XRCC4: variants seen among roughly 807,000 people sequenced by gnomAD.
XRCC4 encodes X-ray repair cross complementing 4.
Under a neutral mutation model 39.1 loss-of-function variants are expected in XRCC4, and 28 were observed. That is an observed-to-expected ratio of 0.72 (90% CI 0.53 to 0.98). XRCC4 has a LOEUF of 0.98. XRCC4 is among the 50% of genes least tolerant of loss of function. The probability of loss-of-function intolerance (pLI) is 0.00; values close to 1 mark genes in which losing one functional copy is unlikely to be tolerated. For synonymous variants in XRCC4, 123 were observed against 126.4 expected, an observed-to-expected ratio of 0.97 and a Z score of 0.18; for missense variants, 350 against 376.4, an observed-to-expected ratio of 0.93 and a Z score of 0.58.
intron 7 of XRCC4, among the ~76,000 whole-genome samples, chr5:83,300,867 A>G (rs1163217951): frequency 2.0e-5 from 3 of 151,936 alleles, no homozygotes; most frequent in Admixed American, 6.6e-5. Flanking sequence ...GCTGAGAATG[A>G]TGGTTTCCAG....
rs538641053 is a variant in XRCC4 at position 83,248,949 on chromosome 5, A to T, written c.746-9581A>T. On this transcript the variant is annotated intron_variant, in intron 6 of 7. Coordinates refer to ENST00000396027, the MANE Select transcript of XRCC4 (RefSeq NM_003401.5). ...GAAAATTCTTAAGTAAAACTTTCTA[A>T]TTTGGGCAATACTTTTTGACCCAAT... 6.0e-4 allele frequency among the ~76,000 whole-genome samples: 91 copies of T among 152,282 alleles called. No individual in the cohort carries two copies. The South Asian group carries it at 0.018, about 31-fold the overall frequency.
intron 3 of XRCC4, among the ~76,000 whole-genome samples, chr5:83,136,520 CCAACTTTAAT>C (rs1369246809): frequency 6.6e-6 from 1 of 152,024 alleles, no homozygotes; most frequent in Non-Finnish European, 1.5e-5. Flanking sequence ...TCATCGTTCC[CCAACTTTAAT>C]AAAAACTTGC....
Position 83,258,641 on chromosome 5 carries a change from T to C in XRCC4, c.857T>C (p.Met286Thr), listed in dbSNP as rs1753640888. 1.6e-5 allele frequency: 25 copies of C among 1,612,124 alleles called. No homozygotes were observed. The highest frequency in any genetic ancestry group is 2.0e-5 in the Non-Finnish European group (24 of 1,179,230). Reference sequence around the variant, plus strand: ...AGAAATCTTGGGACAGAACCTAAAATGGCTCCTCAGGAGAATCAGCTTCAA... The same window carrying C: ...AGAAATCTTGGGACAGAACCTAAAACGGCTCCTCAGGAGAATCAGCTTCAA... ...MQRNLGTEPK[M>T]APQENQLQEK... Residue 286 changes from methionine (M) to threonine (T), a missense_variant, in exon 7 of 8, where the codon ATG becomes ACG. Transcript: ENST00000396027.
At chr5:83,144,360 T>A (rs1242659846) in intron 3 of XRCC4, among the ~76,000 whole-genome samples, 1 of 151,508 alleles carries the variant, frequency 6.6e-6, no homozygotes, top group Non-Finnish European at 1.5e-5. Flanking sequence ...TGATCAAGTT[T>A]GTAAGGATAT....
At chr5:83,127,719 T>C (rs1747340682) in intron 3 of XRCC4, among the ~76,000 whole-genome samples, 1 of 152,130 alleles carries the variant, frequency 6.6e-6, no homozygotes, top group Non-Finnish European at 1.5e-5. Context: ...CAGATTTCCA[T>C]GTAATAATAT....
intron 6 of XRCC4, among the ~76,000 whole-genome samples, chr5:83,236,161 C>CA (rs1258079591): frequency 6.6e-6 from 1 of 152,016 alleles, no homozygotes; most frequent in Non-Finnish European, 1.5e-5. Flanking sequence ...TCTACAGATT[C>CA]AATGCAATCC....
intron 3 of XRCC4, among the ~76,000 whole-genome samples, chr5:83,162,855 G>A (rs893866933): frequency 3.3e-5 from 5 of 151,666 alleles, no homozygotes; most frequent in African/African-American, 1.2e-4. Context: ...AGTCCCTGCT[G>A]CTATTTTGGA....
intron 3 of XRCC4, among the ~76,000 whole-genome samples, chr5:83,161,673 T>C (rs1405350367): frequency 6.6e-6 from 1 of 152,216 alleles, no homozygotes; most frequent in East Asian, 1.9e-4. Flanking sequence ...TGCTGCAAGT[T>C]ACTCATGAAA....
intron 3 of XRCC4, among the ~76,000 whole-genome samples, chr5:83,117,445 A>T (rs991598466): frequency 1.3e-5 from 2 of 151,878 alleles, no homozygotes; most frequent in Non-Finnish European, 2.9e-5. Context: ...TTCATATCTC[A>T]CTCTGTTTCT....
chr5:83,120,951 A>G (rs1311264600), intron 3 of XRCC4, among the ~76,000 whole-genome samples: 3 of 151,896 alleles, frequency 2.0e-5, no homozygotes, highest in African/African-American at 7.3e-5. Flanking sequence ...CCTCCTTCCT[A>G]CCTCTTCACT....
intron 7 of XRCC4, among the ~76,000 whole-genome samples, chr5:83,340,342 A>G (rs1272843302): frequency 1.3e-5 from 2 of 152,156 alleles, no homozygotes; most frequent in African/African-American, 4.8e-5. Flanking sequence ...ACCTGAGAAT[A>G]TGTTAGACCA....
At chr5:83,132,376 G>A (rs1301437943) in intron 3 of XRCC4, among the ~76,000 whole-genome samples, 2 of 151,992 alleles carry the variant, frequency 1.3e-5, no homozygotes, top group Non-Finnish European at 2.9e-5. Context: ...TGCTGTTCTC[G>A]AGGAGTATCT....
At chr5:83,157,732 GTAAAAT>G (rs761401897) in intron 3 of XRCC4, among the ~76,000 whole-genome samples, 1 of 151,914 alleles carries the variant, frequency 6.6e-6, no homozygotes, top group Non-Finnish European at 1.5e-5. Flanking sequence ...CTTCCAGGAA[GTAAAAT>G]TAAAATAAAA....
At chr5:83,242,296 G>T (rs1752944742) in intron 6 of XRCC4, among the ~76,000 whole-genome samples, 1 of 151,656 alleles carries the variant, frequency 6.6e-6, no homozygotes. Context: ...TTTGCTTCAT[G>T]GATATTTATT....
intron 7 of XRCC4, among the ~76,000 whole-genome samples, chr5:83,271,521 T>G (rs1221085988): frequency 6.6e-6 from 1 of 152,212 alleles, no homozygotes; most frequent in Non-Finnish European, 1.5e-5. Flanking sequence ...ATTATATAAA[T>G]GCTTTGTGGG....
At chr5:83,206,505 T>C (rs7712820) in intron 6 of XRCC4, among the ~76,000 whole-genome samples, 7,686 of 151,918 alleles carry the variant, frequency 0.051, 286 homozygotes, top group South Asian at 0.13. Context: ...ATTCACTGGA[T>C]TGGTGAAGGA....
intron 1 of XRCC4, among the ~76,000 whole-genome samples, chr5:83,089,257 C>T (rs1580200290): frequency 1.3e-5 from 2 of 152,294 alleles, no homozygotes; most frequent in African/African-American, 4.8e-5. Flanking sequence ...CTGAAACTAT[C>T]AAAGTTCCAT....
At chr5:83,337,280 A>G (rs202079264) in intron 7 of XRCC4, among the ~76,000 whole-genome samples, 2 of 152,230 alleles carry the variant, frequency 1.3e-5, no homozygotes, top group East Asian at 3.8e-4. Flanking sequence ...CTTACAATAT[A>G]AGTAACAAAG....
In XRCC4 at chr5:83,353,749, T is replaced by C. The variant is rs941732235; in HGVS notation, c.*507T>C. 1 of 152,192 alleles carries C rather than the reference T, an allele frequency of 6.6e-6. No individual in the cohort carries two copies. The highest frequency in any genetic ancestry group is 6.5e-5 in the Admixed American group (1 of 15,272). The allele number at this position is 152,192 out of a possible 1,614,324, so 9.4% of individuals were successfully genotyped here. On this transcript the variant is annotated 3_prime_UTR_variant, in exon 8 of 8. Coordinates refer to ENST00000396027, the MANE Select transcript of XRCC4 (RefSeq NM_003401.5). ...TGTGAAAATCTGATAATAAAATTTTTGATACATTGAAGATTTTGTGTTTTT... is the reference window on the plus strand; with the variant it reads ...TGTGAAAATCTGATAATAAAATTTTCGATACATTGAAGATTTTGTGTTTTT...
Sources: allele counts gnomAD v4.1 joint callset (sites outside exome capture counted in the v4.1 genomes callset), GRCh38; gene constraint gnomAD v4.1.1; transcripts MANE v1.5; gene names NCBI Gene and HGNC (gene_info 2026-07-23, HGNC 2026-07-21).